The following POLA2 variants were observed in gnomAD, a reference collection of about 807,000 sequenced individuals.
POLA2 encodes DNA polymerase alpha 2, accessory subunit.
In POLA2, 47 loss-of-function variants were observed where a neutral mutation model predicts 82.8. The observed-to-expected ratio is 0.57, with a 90% CI of 0.45 to 0.72. The LOEUF (loss-of-function observed/expected upper bound fraction) is 0.72. Ranked by LOEUF, POLA2 falls within the 30% of genes least tolerant of loss-of-function variation. POLA2 has a pLI of 0.00. For synonymous variants in POLA2, 287 were observed against 286.8 expected (o/e 1.00, Z -0.01); for missense variants, 634 against 728.1 (o/e 0.87, Z 1.49).
intron 3 of POLA2, 21 bp downstream of exon 3, chr11:65,267,589 T>G: frequency 2.1e-6 from 3 of 1,426,722 alleles, no homozygotes; most frequent in Non-Finnish European, 2.9e-6. Context: ...CTGCTGAAGG[T>G]CTTTGCACCA....
chr11:65,279,853 A>G (rs1949621930), intron 7 of POLA2: 1 of 472,832 alleles, frequency 2.1e-6, no homozygotes, highest in Non-Finnish European at 3.7e-6. Context: ...AGTCTTGCAC[A>G]TAAGCAGAGA....
chr11:65,296,763 A>G (rs1565495318), intron 17 of POLA2, among the ~76,000 whole-genome samples: 1 of 152,080 alleles, frequency 6.6e-6, no homozygotes, highest in South Asian at 2.1e-4. Context: ...CCTGGCCAAC[A>G]TGGTAAAACC....
chr11:65,300,916 A>T (rs1949856153), downstream of POLA2, among the ~76,000 whole-genome samples: 1 of 152,212 alleles, frequency 6.6e-6, no homozygotes, highest in Non-Finnish European at 1.5e-5. Flanking sequence ...GATGTTTTCA[A>T]GGTTTGTCCC....
At chr11:65,293,211 G>T (rs1050193569) in intron 13 of POLA2, among the ~76,000 whole-genome samples, 2 of 152,066 alleles carry the variant, frequency 1.3e-5, no homozygotes, top group East Asian at 3.9e-4. Flanking sequence ...TCAGGGAGAG[G>T]CCGCTTGGGC....
intron 8 of POLA2, among the ~76,000 whole-genome samples, chr11:65,304,669 G>A (rs148541276): frequency 1.3e-5 from 2 of 152,350 alleles, no homozygotes; most frequent in East Asian, 3.9e-4. Context: ...AGCCACGGGA[G>A]GCATGGGGGT....
At position 65,281,688 on chromosome 11, in the gene POLA2, A is replaced by G; in HGVS notation, c.919A>G (p.Ile307Val). ...CTTTCAGGTTGTAATTATGGAAGGA[A>G]TCAACACCACTGGTAGGAAACTTGT... Reference protein sequence around the residue: ...FPGQVVIMEGINTTGRKLVAT... With the variant: ...FPGQVVIMEGVNTTGRKLVAT... The change falls in exon 9 of 18, where the codon ATC becomes GTC. Residue 307 changes from isoleucine (I) to valine (V), a missense_variant. Transcript: ENST00000265465. The G allele has an allele frequency of 6.2e-7, 1 of 1,613,820 alleles. No homozygotes were observed. The highest frequency in any genetic ancestry group is 1.3e-5 in the African/African-American group (1 of 75,018).
intron 8 of POLA2, 68 bp from the exon 9 acceptor site, chr11:65,281,602 C>G: frequency 8.6e-7 from 1 of 1,156,948 alleles, no homozygotes; most frequent in African/African-American, 1.5e-5. Flanking sequence ...TTAACTGCCT[C>G]AAAATAATGT....
downstream of POLA2, among the ~76,000 whole-genome samples, chr11:65,302,255 T>A (rs535025925): frequency 2.6e-5 from 4 of 152,324 alleles, no homozygotes; most frequent in East Asian, 7.7e-4. Context: ...GCTGAGCATT[T>A]TCGTGCTGAG....
At chr11:65,305,581 G>A (rs1590916344) in exon 9 of POLA2, 3 of 362,090 alleles carry the variant, frequency 8.3e-6, no homozygotes, top group East Asian at 1.5e-4. Context: ...GGCCAAGGCG[G>A]GAGGATGGCT....
intron 2 of POLA2, among the ~76,000 whole-genome samples, chr11:65,267,016 G>A (rs1255807007): frequency 1.3e-5 from 2 of 152,126 alleles, no homozygotes; most frequent in Non-Finnish European, 1.5e-5. Flanking sequence ...GACCAGCCTG[G>A]CCAACGTGGT....
At chr11:65,291,170 C>T (rs1272809468) in intron 13 of POLA2, among the ~76,000 whole-genome samples, 1 of 151,534 alleles carries the variant, frequency 6.6e-6, no homozygotes, top group African/African-American at 2.4e-5. Context: ...TAGATCTCCT[C>T]ACAAGATCTG....
At chr11:65,271,726 C>T (rs1949523058) in intron 4 of POLA2, among the ~76,000 whole-genome samples, 1 of 151,738 alleles carries the variant, frequency 6.6e-6, no homozygotes, top group East Asian at 1.9e-4. Flanking sequence ...ATAATCCCAG[C>T]CACTCAGGAG....
chr11:65,289,655 A>G, intron 12 of POLA2, 144 bp from the exon 13 acceptor site: 1 of 604,002 alleles, frequency 1.7e-6, no homozygotes, highest in Non-Finnish European at 3.0e-6. Flanking sequence ...GCTCCTTAAG[A>G]CAAAGACCAT....
chr11:65,295,695 A>G, intron 16 of POLA2, 96 bp downstream of exon 16: 3 of 1,334,688 alleles, frequency 2.2e-6, no homozygotes, highest in Non-Finnish European at 3.2e-6. Flanking sequence ...CCAGGCTACC[A>G]GCAGGGAACT....
chr11:65,299,373 T>C (rs970933608), downstream of POLA2, among the ~76,000 whole-genome samples: 1 of 152,206 alleles, frequency 6.6e-6, no homozygotes, highest in Admixed American at 6.5e-5. Flanking sequence ...CGCCCTCCCT[T>C]ACCCGCCTCG....
chr11:65,296,948 C>CAA (rs547282942), intron 17 of POLA2, among the ~76,000 whole-genome samples, 172 bp from the exon 18 acceptor site: 11 of 57,990 alleles, frequency 1.9e-4, no homozygotes, highest in Middle Eastern at 0.01. Flanking sequence ...GACTCCATCT[C>CAA]AAAAAAAAAA....
At chr11:65,268,862 C>A (rs1223238286) in intron 4 of POLA2, 133 bp downstream of exon 4, 1 of 558,226 alleles carries the variant, frequency 1.8e-6, no homozygotes, top group East Asian at 3.3e-5. Flanking sequence ...ATACATCTTC[C>A]TTTCTGATCA....
At chr11:65,296,083 G>T (rs775511628) in intron 17 of POLA2, 93 bp downstream of exon 17, 4 of 1,419,562 alleles carry the variant, frequency 2.8e-6, no homozygotes, top group Non-Finnish European at 4.0e-6. Context: ...TCATGGGTCA[G>T]CTGATGGGGA....
At chr11:65,277,099 T>C (rs476327) in intron 5 of POLA2, among the ~76,000 whole-genome samples, 151,326 of 152,164 alleles carry the variant, frequency 0.99, 75,252 homozygotes, top group East Asian at 1. Context: ...TTTTCAGCTC[T>C]ATCACTTTAG....
Sources: allele counts gnomAD v4.1 joint callset (sites outside exome capture counted in the v4.1 genomes callset), GRCh38; gene constraint gnomAD v4.1.1; transcripts MANE v1.5; gene names NCBI Gene and HGNC (gene_info 2026-07-23, HGNC 2026-07-21).